ZNF157: variants seen among roughly 807,000 people sequenced by gnomAD.
The protein encoded by ZNF157 is zinc finger protein 157, also known as zinc finger protein 22.
A neutral mutation model predicts 9.4 loss-of-function variants in ZNF157; 8 were observed. The ratio of observed to expected loss-of-function variants is 0.85; its 90% confidence interval spans 0.50 to 1.53. The LOEUF is 1.53. ZNF157 is among the 40% of genes most tolerant of loss of function. ZNF157 has a pLI of 0.00. For missense variants in ZNF157, 316 were observed against 385.2 expected (o/e 0.82, Z 1.50); for synonymous variants, 120 against 130.8 (o/e 0.92, Z 0.56).
Position 47,412,527 on chromosome X carries a change from C to T in ZNF157, c.454C>T (p.Arg152Cys), listed in dbSNP as rs754802478. 33 of 1,210,263 alleles carry T rather than the reference C, an allele frequency of 2.7e-5. No individual in the cohort carries two copies. The highest frequency in any genetic ancestry group is 8.7e-5 in the African/African-American group (5 of 57,272). Residue 152 changes from arginine (R) to cysteine (C), a missense_variant, in exon 4 of 4, where the codon CGT (arginine) becomes TGT (cysteine). Arg to Cys is a radical substitution (Grantham distance 180). This residue lies in a region of ZNF157 where 146 missense variants were observed against 183.8 expected (regional missense o/e 0.79). Coordinates refer to ENST00000377073, the MANE Select transcript of ZNF157 (RefSeq NM_003446.4). ...AFHEKTGFVR[R>C]KRTPRGDKNF... The stretch of plus-strand genomic sequence containing the variant: ...CCATGAGAAAACAGGCTTTGTTAGA[C>T]GTAAAAGAACACCCAGAGGAGATAA...
At chrX:47,397,931 T>C (rs1412257737) in intron 1 of ZNF157, among the ~76,000 whole-genome samples, 3 of 110,871 alleles carry the variant, frequency 2.7e-5, no homozygotes, top group Admixed American at 9.7e-5. Context: ...ATCATGAAGG[T>C]AGGAAATAAA....
At chrX:47,400,573 A>T (rs1490055169) in intron 1 of ZNF157, among the ~76,000 whole-genome samples, 1 of 112,342 alleles carries the variant, frequency 8.9e-6, no homozygotes, top group East Asian at 2.8e-4. Context: ...ATTGTTGGAT[A>T]CTATGCTGTA....
At chrX:47,384,781 C>T (rs4239965) in intron 1 of ZNF157, among the ~76,000 whole-genome samples, 34,053 of 111,365 alleles carry the variant, frequency 0.31, 3,741 homozygotes, top group Middle Eastern at 0.51. Flanking sequence ...ATTGAAAGTG[C>T]CCTTATGATT....
chrX:47,375,652 G>A (rs1415770222), intron 1 of ZNF157, among the ~76,000 whole-genome samples: 1 of 109,034 alleles, frequency 9.2e-6, no homozygotes, highest in Non-Finnish European at 1.9e-5. Context: ...CCCTCTGCCC[G>A]AACCTCTATC....
At chrX:47,380,121 T>C (rs755932574) in intron 1 of ZNF157, among the ~76,000 whole-genome samples, 25 of 110,598 alleles carry the variant, frequency 2.3e-4, no homozygotes, top group African/African-American at 7.9e-4. Flanking sequence ...GTGGGGACAA[T>C]TGACATGTTA....
chrX:47,386,262 T>C lies in ZNF157; in HGVS notation c.72+15522T>C, dbSNP rs574414885. On this transcript the variant is annotated intron_variant, in intron 1 of 3. Coordinates refer to ENST00000377073, the MANE Select transcript of ZNF157 (RefSeq NM_003446.4). ...CCAATGGTAACACCTTCCAGAACAA[T>C]AGCACAATATCACAACCAGGATGTG... is the stretch of plus-strand genomic sequence containing the variant. 5.6e-4 allele frequency among the ~76,000 whole-genome samples: 62 copies of C among 110,834 alleles called. 2 individuals are homozygous for C. The South Asian group carries it at 0.023, about 41-fold the overall frequency.
In ZNF157 at chrX:47,413,073, G is replaced by C; in HGVS notation, c.1000G>C (p.Glu334Gln). The change falls in exon 4 of 4, where the codon GAA becomes CAA. Residue 334 changes from glutamate to glutamine, a missense_variant. Coordinates refer to ENST00000377073, the MANE Select transcript of ZNF157 (RefSeq NM_003446.4). ...HTGEKPYECG[E>Q]CGKFFRMKMT... ...AGGTGAGAAACCCTATGAGTGTGGT[G>C]AATGTGGGAAATTCTTCCGAATGAA... 1 of 1,211,077 alleles carries C rather than the reference G, an allele frequency of 8.3e-7. No individual in the cohort carries two copies. The highest frequency in any genetic ancestry group is 1.1e-6 in the Non-Finnish European group (1 of 895,093).
chrX:47,413,645 G>A lies in ZNF157; in HGVS notation c.*51G>A. On this transcript the variant is annotated 3_prime_UTR_variant, in exon 4 of 4. Coordinates refer to ENST00000377073, the MANE Select transcript of ZNF157 (RefSeq NM_003446.4). ...CTCCTTGGGGGCATATGATCACCAG[G>A]GCACACAGTGTGCCTGTGAAAATTT... The A allele has an allele frequency of 1.7e-6, 2 of 1,144,254 alleles. No homozygotes were observed. The highest frequency in any genetic ancestry group is 3.6e-5 in the African/African-American group (2 of 55,299). The allele number at this position is 1,144,254 out of a possible 1,213,427, so 94.3% of individuals were successfully genotyped here. A position where few individuals can be genotyped will look rare whatever the true frequency, so the allele number is the denominator to read the frequency against.
At chrX:47,404,767 A>G (rs1353516255) in intron 1 of ZNF157, among the ~76,000 whole-genome samples, 2 of 109,285 alleles carry the variant, frequency 1.8e-5, no homozygotes, top group African/African-American at 6.7e-5. Context: ...CTTATTCTCT[A>G]TTGTCTTGAC....
rs758072063 is a variant in ZNF157 at position 47,407,528 on chromosome X, G to T, written c.73-2748G>T. ...TATTTAATTGATATTCCATTCAGTT[G>T]TCTGTTTCTCTTTGGGTAAGTTTTG... On this transcript the variant is annotated intron_variant, in intron 1 of 3. Transcript: ENST00000377073. Among the ~76,000 whole-genome samples the T allele has an allele frequency of 8.1e-5, 9 of 111,768 alleles. No homozygotes were observed. In the East Asian group the frequency reaches 1.4e-3, roughly 17 times the overall value.
At chrX:47,398,565 T>C (rs2147410001) in intron 1 of ZNF157, among the ~76,000 whole-genome samples, 1 of 110,553 alleles carries the variant, frequency 9.0e-6, no homozygotes, top group African/African-American at 3.3e-5. Flanking sequence ...TGGAGTATAG[T>C]GGCACAATCT....
At position 47,412,908 on chromosome X, in the gene ZNF157, T is replaced by A. The variant is rs752688703; in HGVS notation, c.835T>A (p.Cys279Ser). 9 of 1,210,279 alleles carry A rather than the reference T, an allele frequency of 7.4e-6. No individual in the cohort carries two copies. Among genetic ancestry groups the A allele is most frequent in the Admixed American group, 2.2e-5 (1 of 45,731 alleles). Residue 279 changes from cysteine (C) to serine (S), a missense_variant, in exon 4 of 4, where the codon TGT becomes AGT. Around this residue, in one of 3 missense-constraint regions of ZNF157, gnomAD observed 167 missense variants for 183.6 expected, o/e 0.91. Coordinates refer to ENST00000377073, the MANE Select transcript of ZNF157 (RefSeq NM_003446.4). ...GGAGAAACCCTATGAATGTAGTGAA[T>A]GTGGGAAAACATTTCGTGTAAAGAT... ...TGEKPYECSE[C>S]GKTFRVKISL...
In ZNF157 at chrX:47,400,104, C is replaced by T. The variant is rs180839880; in HGVS notation, c.73-10172C>T. Among the ~76,000 whole-genome samples the T allele has an allele frequency of 1.4e-3, 153 of 106,544 alleles. 3 individuals are homozygous for T. Among genetic ancestry groups the T allele is most frequent in the Admixed American group, 0.01 (99 of 9,597 alleles). 92.5% of individuals were successfully genotyped at this position (106,544 alleles called of 115,157 possible). ...CTCTGCCTCCCGGATTTCAGTGATTCTCGTGCCTCAGCCTCCCAAGTAGCT... is the reference window on the plus strand; with the variant it reads ...CTCTGCCTCCCGGATTTCAGTGATTTTCGTGCCTCAGCCTCCCAAGTAGCT... On this transcript the variant is annotated intron_variant, in intron 1 of 3. Transcript: ENST00000377073.
intron 1 of ZNF157, among the ~76,000 whole-genome samples, chrX:47,398,729 T>C (rs947070246): frequency 9.1e-6 from 1 of 109,872 alleles, no homozygotes; most frequent in Non-Finnish European, 1.9e-5. Context: ...TCACTCAGGC[T>C]GGAATGCAAT....
At chrX:47,399,301 AT>A (rs2055923562) in intron 1 of ZNF157, among the ~76,000 whole-genome samples, 1 of 111,020 alleles carries the variant, frequency 9.0e-6, no homozygotes, top group South Asian at 3.8e-4. Flanking sequence ...GTCAACCGCA[AT>A]TTTGTCAGAT....
chrX:47,389,343 G>A (rs1443532806), intron 1 of ZNF157, among the ~76,000 whole-genome samples: 1 of 107,204 alleles, frequency 9.3e-6, no homozygotes, highest in Non-Finnish European at 1.9e-5. Context: ...GTAGCTGGGA[G>A]CCATTAATTT....
At chrX:47,391,292 G>A (rs2055896391) in intron 1 of ZNF157, 2 of 111,872 alleles carry the variant, frequency 1.8e-5, no homozygotes, top group Admixed American at 1.9e-4. Context: ...TTTCTGACTG[G>A]CTCCCATTTG....
At chrX:47,374,998 CTTTTTTTTTTTTTTTTTTT>C (rs769541152) in intron 1 of ZNF157, among the ~76,000 whole-genome samples, 523 of 24,994 alleles carry the variant, frequency 0.021, 13 homozygotes, top group African/African-American at 0.065. Context: ...GGCTGACAAT[CTTTTTTTTTTTTTTTTTTT>C]TTTTTTTTTT....
At chrX:47,379,724 C>CTTTTTTTTT (rs200985634) in intron 1 of ZNF157, among the ~76,000 whole-genome samples, 1 of 62,761 alleles carries the variant, frequency 1.6e-5, no homozygotes, top group African/African-American at 6.6e-5. Flanking sequence ...TGTCTAGATG[C>CTTTTTTTTT]TTTTTTTTTT....
Sources: allele counts gnomAD v4.1 joint callset (sites outside exome capture counted in the v4.1 genomes callset), GRCh38; gene constraint gnomAD v4.1.1; regional missense constraint gnomAD v4.1.1; transcripts MANE v1.5; gene names NCBI Gene and HGNC (gene_info 2026-07-23, HGNC 2026-07-21).